TNFRSF19: variants seen among roughly 807,000 people sequenced by gnomAD.
The protein encoded by TNFRSF19 is TNF receptor superfamily member 19, also known as tumor necrosis factor receptor superfamily member 19.
Under a neutral mutation model 46.4 loss-of-function variants are expected in TNFRSF19, and 27 were observed. That is an observed-to-expected ratio of 0.58 (90% CI 0.43 to 0.80). The LOEUF is 0.80. Ranked by LOEUF, TNFRSF19 falls within the 30% of genes least tolerant of loss-of-function variation. The pLI is 0.00. For missense variants in TNFRSF19, 511 were observed against 530.8 expected, an observed-to-expected ratio of 0.96 and a Z score of 0.37; for synonymous variants, 204 against 205.0, an observed-to-expected ratio of 1.00 and a Z score of 0.04.
At chr13:23,584,115 G>C (rs1045669506) in intron 1 of TNFRSF19, among the ~76,000 whole-genome samples, 6 of 136,042 alleles carry the variant, frequency 4.4e-5, no homozygotes, top group African/African-American at 1.8e-4. Flanking sequence ...TGGGGAACAG[G>C]TGGTATTTGG....
intron 9 of TNFRSF19, among the ~76,000 whole-genome samples, chr13:23,671,972 C>A (rs1555226082): frequency 6.6e-6 from 1 of 152,222 alleles, no homozygotes; most frequent in Non-Finnish European, 1.5e-5. Context: ...AGCTTGGCTC[C>A]ATGATGTGGG....
intron 4 of TNFRSF19, among the ~76,000 whole-genome samples, chr13:23,618,346 A>G (rs1255158292): frequency 1.3e-5 from 2 of 152,246 alleles, no homozygotes; most frequent in Admixed American, 6.5e-5. Context: ...AAGGATTTGA[A>G]TAGACATTTC....
At chr13:23,625,284 A>G (rs1317114688) in intron 4 of TNFRSF19, among the ~76,000 whole-genome samples, 1 of 150,202 alleles carries the variant, frequency 6.7e-6, no homozygotes, top group African/African-American at 2.4e-5. Flanking sequence ...GATTGTGCCT[A>G]ATTAGCTTTT....
chr13:23,617,760 C>T lies in TNFRSF19; in HGVS notation c.359+1715C>T, dbSNP rs74745263. 2.6e-5 allele frequency among the ~76,000 whole-genome samples: 4 copies of T among 152,186 alleles called. No homozygotes were observed. In the East Asian group the frequency reaches 7.7e-4, roughly 29 times the overall value. On this transcript the variant is annotated intron_variant, in intron 4 of 9. Transcript: ENST00000248484. ...CATGAATTATTTTCTATACTTTTCA[C>T]AATGTTTTAAGAAGGAAGAAACTGA...
chr13:23,631,541 C>A (rs1882362244), intron 5 of TNFRSF19, among the ~76,000 whole-genome samples: 1 of 152,232 alleles, frequency 6.6e-6, no homozygotes, highest in Admixed American at 6.5e-5. Flanking sequence ...CTTATTCATG[C>A]ACTAACGATG....
intron 4 of TNFRSF19, among the ~76,000 whole-genome samples, chr13:23,623,345 T>G (rs1881794894): frequency 6.6e-6 from 1 of 152,236 alleles, no homozygotes; most frequent in Non-Finnish European, 1.5e-5. Flanking sequence ...TTTATCCATA[T>G]TCATCAGTGG....
intron 4 of TNFRSF19, among the ~76,000 whole-genome samples, chr13:23,617,828 C>T (rs938376626): frequency 1.3e-5 from 2 of 152,178 alleles, no homozygotes; most frequent in African/African-American, 2.4e-5. Flanking sequence ...ATCACCTAAC[C>T]TGTGTGTGGT....
intron 9 of TNFRSF19, among the ~76,000 whole-genome samples, chr13:23,672,936 A>G (rs547043867): frequency 9.2e-5 from 14 of 152,380 alleles, no homozygotes; most frequent in African/African-American, 3.4e-4. Context: ...AAGTTGGCAG[A>G]TAAAGAATGG....
chr13:23,572,940 G>A (rs1877722125), intron 1 of TNFRSF19, among the ~76,000 whole-genome samples: 1 of 152,202 alleles, frequency 6.6e-6, no homozygotes, highest in African/African-American at 2.4e-5. Context: ...AGACTTTTAT[G>A]TTGAGTCCTG....
chr13:23,592,752 G>A (rs1255461882), intron 2 of TNFRSF19, among the ~76,000 whole-genome samples: 5 of 152,196 alleles, frequency 3.3e-5, no homozygotes, highest in Non-Finnish European at 7.3e-5. Context: ...CTAAGGAAAT[G>A]TAGTTCAGTT....
At chr13:23,574,184 G>T (rs78189213) in intron 1 of TNFRSF19, among the ~76,000 whole-genome samples, 1,656 of 151,968 alleles carry the variant, frequency 0.011, 33 homozygotes, top group African/African-American at 0.038. Context: ...TCATAATAGG[G>T]CTTATCACCC....
chr13:23,659,170 G>A lies in TNFRSF19; in HGVS notation c.566G>A (p.Cys189Tyr), dbSNP rs751726183. 3 of 1,614,120 alleles carry A rather than the reference G, an allele frequency of 1.9e-6. No homozygotes were observed. The South Asian group carries it at 3.3e-5, about 18-fold the overall frequency. ...ATVLLALLILCVIYCKRQFME... is the reference protein window; with the variant it reads ...ATVLLALLILYVIYCKRQFME... ...GTCCTGCTGGCCCTGCTCATCCTCT[G>A]TGTCATCTATTGTAAGAGACAGTTT... Residue 189 changes from cysteine to tyrosine, a missense_variant, in exon 6 of 10, where the codon TGT becomes TAT. This residue lies in a region of TNFRSF19 where 376 missense variants were observed against 372.7 expected (regional missense o/e 1.01). Transcript: ENST00000248484. This position sits in a 1 kb window ranked among gnomAD's most constrained non-coding sequence, Gnocchi z 4.9.
Position 23,673,963 on chromosome 13 carries a change from A to G in TNFRSF19, c.*583A>G, listed in dbSNP as rs1951792712. 1 of 152,172 alleles carries G rather than the reference A, an allele frequency of 6.6e-6. No homozygotes were observed. The allele number at this position is 152,172 out of a possible 1,614,324, so 9.4% of individuals were successfully genotyped here. A position where few individuals can be genotyped will look rare whatever the true frequency, so the allele number is the denominator to read the frequency against. ...TATTGCCTGCCTAAATCTTGGGTTTATTAGATGAAGTTTACTGAATCAGAG... is the reference window on the plus strand; with the variant it reads ...TATTGCCTGCCTAAATCTTGGGTTTGTTAGATGAAGTTTACTGAATCAGAG... On this transcript the variant is annotated 3_prime_UTR_variant, in exon 10 of 10. Coordinates refer to ENST00000248484, the MANE Select transcript of TNFRSF19 (RefSeq NM_148957.4).
chr13:23,605,076 G>A (rs189841989), intron 3 of TNFRSF19, among the ~76,000 whole-genome samples: 31 of 152,238 alleles, frequency 2.0e-4, no homozygotes, highest in Admixed American at 1.2e-3. Flanking sequence ...TCTGAAAAAG[G>A]ACTGTTATTC....
chr13:23,577,631 C>T (rs551389122), intron 1 of TNFRSF19, among the ~76,000 whole-genome samples: 1 of 152,254 alleles, frequency 6.6e-6, no homozygotes, highest in African/African-American at 2.4e-5. Flanking sequence ...AGAGCCGTGG[C>T]TTTTGAGCGA....
rs371044268 is a variant in TNFRSF19, at chr13:23,583,312, CA to C, written c.-34-6829del. On this transcript the variant is annotated intron_variant, in intron 1 of 9. Transcript: ENST00000248484. ...ACTCCAGTGGCTAAAAATGTTGGACCAAAAAAAAATGATAAAGTAACCCTCT... is the reference window on the plus strand; with the variant it reads ...ACTCCAGTGGCTAAAAATGTTGGACCAAAAAAAATGATAAAGTAACCCTCT... Among the ~76,000 whole-genome samples, 361 of 146,350 alleles carry C rather than the reference CA, an allele frequency of 2.5e-3. 1 individual carries two copies. Among genetic ancestry groups the C allele is most frequent in the African/African-American group, 8.7e-3 (349 of 39,976 alleles).
chr13:23,673,317 C>G, intron 9 of TNFRSF19, 55 bp from the exon 10 acceptor site: 1 of 1,557,370 alleles, frequency 6.4e-7, no homozygotes. Context: ...TGAAATTTAG[C>G]AGATTTAACT....
chr13:23,658,345 G>A, intron 5 of TNFRSF19, among the ~76,000 whole-genome samples: 1 of 152,198 alleles, frequency 6.6e-6, no homozygotes, highest in East Asian at 1.9e-4. Flanking sequence ...AGGTCACACA[G>A]GTAGAGGTTG....
At chr13:23,621,803 A>G (rs1421016016) in intron 4 of TNFRSF19, among the ~76,000 whole-genome samples, 1 of 151,440 alleles carries the variant, frequency 6.6e-6, no homozygotes, top group African/African-American at 2.4e-5. Context: ...TACAAAAATT[A>G]GCTGGGCATG....
Sources: gnomAD v4.1 joint callset for allele counts (sites outside exome capture counted in the v4.1 genomes callset) on GRCh38, gnomAD v4.1.1 for gene constraint, gnomAD v4.1.1 regional missense constraint, Gnocchi (gnomAD v3.1) non-coding constraint, MANE v1.5 for transcripts, NCBI Gene and HGNC (gene_info 2026-07-23, HGNC 2026-07-21) for gene names.